ERI1: variants seen among roughly 807,000 people sequenced by gnomAD.
The protein encoded by ERI1 is exoribonuclease 1, also known as 3'-5' exoribonuclease 1.
In ERI1, 39 loss-of-function variants were observed where a neutral mutation model predicts 39.7. The observed-to-expected ratio is 0.98, with a 90% confidence interval of 0.76 to 1.28. The LOEUF is 1.28. ERI1 is among the 50% of genes most tolerant of loss of function. ERI1 has a pLI of 0.00. For missense variants in ERI1, 581 were observed against 416.9 expected (o/e 1.39, Z -3.43); for synonymous variants, 204 against 149.6 (o/e 1.36, Z -2.65).
chr8:9,082,591 G>A (rs1799402763), intron 3 of ERI1, among the ~76,000 whole-genome samples: 1 of 152,186 alleles, frequency 6.6e-6, no homozygotes, highest in South Asian at 2.1e-4. Flanking sequence ...AATCTCTGCT[G>A]TGTTGAAAGG....
chr8:9,020,346 A>G lies in ERI1; in HGVS notation c.693-4A>G. 2 of 1,527,516 alleles carry G rather than the reference A, an allele frequency of 1.3e-6. No individual in the cohort carries two copies. The highest frequency in any genetic ancestry group is 4.7e-5 in the East Asian group (2 of 42,334). The allele number at this position is 1,527,516 out of a possible 1,614,324, so 94.6% of individuals were successfully genotyped here. On this transcript the variant is annotated splice_polypyrimidine_tract_variant and splice_region_variant and intron_variant, in intron 5 of 6. Coordinates refer to ENST00000250263, the MANE Select transcript of ERI1 (RefSeq NM_153332.4). ...TCAATTTTTTGTCCTTTTTTAATTT[A>G]TAGTTCTTGGGATATGAGTAAGTTC...
chr8:9,013,610 T>A (rs1816910954), intron 3 of ERI1, among the ~76,000 whole-genome samples: 1 of 152,164 alleles, frequency 6.6e-6, no homozygotes, highest in South Asian at 2.1e-4. Context: ...GCTGTCTCTT[T>A]GCTGGTGACT....
At chr8:9,074,882 CTGG>C (rs1799158883) in intron 3 of ERI1, among the ~76,000 whole-genome samples, 1 of 152,208 alleles carries the variant, frequency 6.6e-6, no homozygotes, top group Non-Finnish European at 1.5e-5. Context: ...GCAGTATCTC[CTGG>C]TGTGGTCTGG....
chr8:9,026,403 C>G (rs1477093379), intron 6 of ERI1, among the ~76,000 whole-genome samples: 1 of 152,064 alleles, frequency 6.6e-6, no homozygotes, highest in African/African-American at 2.4e-5. Context: ...CCCTTCCTGC[C>G]AAACCCTGGC....
At chr8:9,096,047 C>G (rs923707883) in intron 3 of ERI1, among the ~76,000 whole-genome samples, 5 of 152,170 alleles carry the variant, frequency 3.3e-5, no homozygotes, top group African/African-American at 7.2e-5. Flanking sequence ...ACTTGATAAG[C>G]CTGAAGCACT....
intron 6 of ERI1, among the ~76,000 whole-genome samples, chr8:9,027,509 C>G (rs1051379256): frequency 1.8e-4 from 27 of 151,924 alleles, no homozygotes; most frequent in African/African-American, 6.3e-4. Flanking sequence ...TTTATTTTTT[C>G]TTTTGTTGCC....
chr8:9,096,382 A>G (rs1799878020), intron 3 of ERI1, among the ~76,000 whole-genome samples: 1 of 152,100 alleles, frequency 6.6e-6, no homozygotes, highest in Admixed American at 6.5e-5. Context: ...GAGGACACCT[A>G]CCCTTGGTTC....
At chr8:9,014,450 C>T (rs1817014702) in intron 3 of ERI1, among the ~76,000 whole-genome samples, 1 of 152,332 alleles carries the variant, frequency 6.6e-6, no homozygotes, top group South Asian at 2.1e-4. Flanking sequence ...TCAAGGGAGT[C>T]TCCTACTTTA....
intron 6 of ERI1, among the ~76,000 whole-genome samples, chr8:9,027,754 T>C (rs1311207147): frequency 1.3e-5 from 2 of 152,230 alleles, no homozygotes; most frequent in African/African-American, 4.8e-5. Flanking sequence ...TCCCCATTGA[T>C]TCAATGTATT....
At chr8:9,022,557 A>G (rs908194395) in intron 6 of ERI1, among the ~76,000 whole-genome samples, 5 of 151,852 alleles carry the variant, frequency 3.3e-5, no homozygotes, top group African/African-American at 1.2e-4. Flanking sequence ...CCACAACCAC[A>G]ACTGGCTAAT....
chr8:9,080,506 G>T (rs1799336591), intron 3 of ERI1, among the ~76,000 whole-genome samples: 1 of 152,222 alleles, frequency 6.6e-6, no homozygotes, highest in Admixed American at 6.5e-5. Flanking sequence ...GAGGCAGAGA[G>T]GCCCTGACAC....
intron 6 of ERI1, among the ~76,000 whole-genome samples, chr8:9,022,646 C>T (rs561145354): frequency 2.0e-5 from 3 of 152,126 alleles, no homozygotes; most frequent in South Asian, 2.1e-4. Flanking sequence ...ATGATCTGCC[C>T]GCCTCGGCCT....
chr8:9,074,129 G>A (rs2117434343), intron 3 of ERI1, among the ~76,000 whole-genome samples: 1 of 151,702 alleles, frequency 6.6e-6, no homozygotes, highest in East Asian at 1.9e-4. Context: ...TTGTTTTTTT[G>A]AGACATGGTC....
At chr8:9,063,521 A>C (rs530565183) in intron 3 of ERI1, among the ~76,000 whole-genome samples, 1 of 151,872 alleles carries the variant, frequency 6.6e-6, no homozygotes, top group Non-Finnish European at 1.5e-5. Flanking sequence ...TCGGCCTGGC[A>C]AGGAGGGGAG....
Position 9,017,763 on chromosome 8 carries a change from G to A in ERI1, c.583-534G>A, listed in dbSNP as rs116198479. On this transcript the variant is annotated intron_variant, in intron 4 of 6. Coordinates refer to ENST00000250263, the MANE Select transcript of ERI1 (RefSeq NM_153332.4). ...GACTGTTAAGAAAATGGTCCAGATA[G>A]GCAGAGGCAATCCAGATCCTGAAGG... 3.5e-3 allele frequency among the ~76,000 whole-genome samples: 539 copies of A among 152,258 alleles called. 3 individuals carry two copies. Among genetic ancestry groups the A allele is most frequent in the African/African-American group, 0.012 (512 of 41,574 alleles).
At chr8:9,021,029 C>G (rs767701597) in intron 6 of ERI1, among the ~76,000 whole-genome samples, 1 of 152,068 alleles carries the variant, frequency 6.6e-6, no homozygotes, top group African/African-American at 2.4e-5. Flanking sequence ...CCTGAAAGAT[C>G]AAGATTGAGT....
intron 6 of ERI1, among the ~76,000 whole-genome samples, chr8:9,024,503 C>T (rs1426641813): frequency 6.6e-6 from 1 of 152,046 alleles, no homozygotes; most frequent in Non-Finnish European, 1.5e-5. Flanking sequence ...TCACTGCAAC[C>T]TGCGCCTCCT....
Position 9,011,522 on chromosome 8 carries a change from A to C in ERI1, c.288-20A>C, listed in dbSNP as rs769296162. The C allele has an allele frequency of 6.6e-7, 1 of 1,514,934 alleles. No individual in the cohort carries two copies. Among genetic ancestry groups the C allele is most frequent in the East Asian group, 2.3e-5 (1 of 44,184 alleles). The allele number at this position is 1,514,934 out of a possible 1,614,324, so 93.8% of individuals were successfully genotyped here. Reference sequence around the variant, plus strand: ...CTGTAGAATTTACCTAAGTGTAACTAGTCTTCTTCTTCTACTTAGAGGAGT... The same window carrying C: ...CTGTAGAATTTACCTAAGTGTAACTCGTCTTCTTCTTCTACTTAGAGGAGT... On this transcript the variant is annotated intron_variant, in intron 2 of 6. Coordinates refer to ENST00000250263, the MANE Select transcript of ERI1 (RefSeq NM_153332.4).
At chr8:9,061,436 A>T (rs1345500873) in intron 3 of ERI1, among the ~76,000 whole-genome samples, 1 of 152,188 alleles carries the variant, frequency 6.6e-6, no homozygotes, top group East Asian at 1.9e-4. Context: ...CAGAAAATAG[A>T]CTTGGGAAGT....
Sources: allele counts gnomAD v4.1 joint callset (sites outside exome capture counted in the v4.1 genomes callset), GRCh38; gene constraint gnomAD v4.1.1; transcripts MANE v1.5; gene names NCBI Gene and HGNC (gene_info 2026-07-23, HGNC 2026-07-21).